ROCK1: variants seen among roughly 807,000 people sequenced by gnomAD.
The protein encoded by ROCK1 is Rho associated coiled-coil containing protein kinase 1.
ROCK1 carries 36 observed loss-of-function variants against 196.8 expected under a neutral mutation model. That is an observed-to-expected ratio of 0.18 (90% CI 0.14 to 0.24). The LOEUF is 0.24. Ranked by LOEUF, ROCK1 falls within the 10% of genes least tolerant of loss-of-function variation. The probability of loss-of-function intolerance (pLI) is 1.00; values close to 1 mark genes in which losing one functional copy is unlikely to be tolerated. For missense variants in ROCK1, 920 were observed against 1,562.0 expected, an observed-to-expected ratio of 0.59 and a Z score of 6.93; for synonymous variants, 443 against 515.9, an observed-to-expected ratio of 0.86 and a Z score of 1.91.
At chr18:20,985,095 T>C (rs2035566561) in intron 19 of ROCK1, among the ~76,000 whole-genome samples, 1 of 150,616 alleles carries the variant, frequency 6.6e-6, no homozygotes, top group South Asian at 2.1e-4. Context: ...TGAGACTCTG[T>C]CTCCAAAAAA....
intron 9 of ROCK1, among the ~76,000 whole-genome samples, chr18:21,038,857 C>G (rs1454548332): frequency 2.6e-5 from 4 of 152,154 alleles, no homozygotes; most frequent in Admixed American, 6.5e-5. Flanking sequence ...TTTGATTCAG[C>G]TATGTTGTAG....
intron 1 of ROCK1, among the ~76,000 whole-genome samples, chr18:21,090,925 A>T (rs1390378259): frequency 6.6e-6 from 1 of 152,252 alleles, no homozygotes; most frequent in Non-Finnish European, 1.5e-5. Context: ...TTTAGGGAAA[A>T]AAAATTAATC....
Position 20,960,176 on chromosome 18 carries a change from G to T in ROCK1, c.3383C>A (p.Pro1128Gln). Reference sequence around the variant, plus strand: ...ATATCGTTTGATATTTCCTCTATTTGGTACTGAAAGCCAACCTTCAATTCT... The same window carrying T: ...ATATCGTTTGATATTTCCTCTATTTTGTACTGAAAGCCAACCTTCAATTCT... ...ESRIEGWLSVPNRGNIKRYGW... is the reference protein window; with the variant it reads ...ESRIEGWLSVQNRGNIKRYGW... The change falls in exon 28 of 33, where the codon CCA becomes CAA. Residue 1128 changes from proline (P) to glutamine (Q), a missense_variant. Pro to Gln is a moderately conservative substitution (Grantham distance 76). This residue lies in a region of ROCK1 where 116 missense variants were observed against 204.2 expected (regional missense o/e 0.57). Coordinates refer to ENST00000399799, the MANE Select transcript of ROCK1 (RefSeq NM_005406.3). 1 of 1,599,920 alleles carries T rather than the reference G, an allele frequency of 6.3e-7. No individual in the cohort carries two copies. The highest frequency in any genetic ancestry group is 8.6e-7 in the Non-Finnish European group (1 of 1,167,242).
intron 1 of ROCK1, among the ~76,000 whole-genome samples, chr18:21,087,656 C>A (rs571417851): frequency 1.3e-5 from 2 of 152,008 alleles, no homozygotes; most frequent in South Asian, 4.2e-4. Flanking sequence ...CTCAGAACAA[C>A]AGAACTGCAA....
intron 4 of ROCK1, 39 bp from the exon 5 acceptor site, chr18:21,045,506 A>G (rs2036148034): frequency 6.9e-7 from 1 of 1,444,288 alleles, no homozygotes; most frequent in Non-Finnish European, 9.2e-7. Context: ...ACATTCATTA[A>G]TGTTAAACAA....
intron 2 of ROCK1, among the ~76,000 whole-genome samples, chr18:21,050,199 T>C (rs2036192823): frequency 6.6e-6 from 1 of 152,106 alleles, no homozygotes; most frequent in African/African-American, 2.4e-5. Flanking sequence ...TAGTTCCTGG[T>C]ATTTTAAGTA....
rs775008123 is a variant in ROCK1 at position 20,996,649 on chromosome 18, C to T, written c.1886-3712G>A. ...ATGGTAAGTACACTGAAAAACACTA[C>T]TGTAACACTGCAATTGCAGTGTATA... On this transcript the variant is annotated intron_variant, in intron 16 of 32. Coordinates refer to ENST00000399799, the MANE Select transcript of ROCK1 (RefSeq NM_005406.3). 2.6e-4 allele frequency among the ~76,000 whole-genome samples: 40 copies of T among 152,152 alleles called. 1 individual carries two copies. The highest frequency in any genetic ancestry group is 7.3e-5 in the Non-Finnish European group (5 of 68,032).
At chr18:21,092,679 A>AT (rs986424298) in intron 1 of ROCK1, among the ~76,000 whole-genome samples, 16 of 151,596 alleles carry the variant, frequency 1.1e-4, no homozygotes, top group African/African-American at 3.9e-4. Flanking sequence ...TTTAAACCAC[A>AT]TTTTTTAAAA....
chr18:21,014,653 A>G (rs1339766022), intron 13 of ROCK1, among the ~76,000 whole-genome samples: 1 of 152,362 alleles, frequency 6.6e-6, no homozygotes, highest in South Asian at 2.1e-4. Context: ...TACAAAGGCA[A>G]GTTAGTAAAT....
At chr18:21,045,887 ACAGTTTCAGCTGT>A (rs1568393657) in intron 4 of ROCK1, among the ~76,000 whole-genome samples, 1 of 144,228 alleles carries the variant, frequency 6.9e-6, no homozygotes, top group Non-Finnish European at 1.5e-5. Context: ...AATTTGGCTT[ACAGTTTCAGCTGT>A]TTTTTTTTTT....
chr18:21,041,239 C>A (rs1278165788), intron 8 of ROCK1, among the ~76,000 whole-genome samples: 1 of 147,378 alleles, frequency 6.8e-6, no homozygotes, highest in Non-Finnish European at 1.5e-5. Flanking sequence ...TGAAACCAGC[C>A]TGGGCAACAG....
rs532978665 is a variant in ROCK1 at position 20,971,800 on chromosome 18, A to T, written c.2655-1287T>A. Among the ~76,000 whole-genome samples, 3 of 152,162 alleles carry T rather than the reference A, an allele frequency of 2.0e-5. No individual in the cohort carries two copies. The East Asian group carries it at 5.8e-4, about 29-fold the overall frequency. On this transcript the variant is annotated intron_variant, in intron 22 of 32. Transcript: ENST00000399799. ...GTACAGGCAATTTAAAAAATGAACA[A>T]GTGCTATATAGTATGCCACAGAGAA... is the stretch of plus-strand genomic sequence containing the variant.
Position 20,951,203 on chromosome 18 carries a change from A to T in ROCK1, c.*181T>A. On this transcript the variant is annotated 3_prime_UTR_variant, in exon 33 of 33. Transcript: ENST00000399799. ...ATTAATCTAATCTACCTGTAGGCAAACCCGCAATAAAAAAAACCCTCAGTG... is the reference window on the plus strand; with the variant it reads ...ATTAATCTAATCTACCTGTAGGCAATCCCGCAATAAAAAAAACCCTCAGTG... 4.3e-6 allele frequency: 2 copies of T among 470,366 alleles called. No homozygotes were observed. The highest frequency in any genetic ancestry group is 7.7e-6 in the Non-Finnish European group (2 of 258,924). The allele number at this position is 470,366 out of a possible 1,614,324, so 29.1% of individuals were successfully genotyped here. A position where few individuals can be genotyped will look rare whatever the true frequency, so the allele number is the denominator to read the frequency against.
At chr18:20,979,844 A>G in intron 22 of ROCK1, 66 bp downstream of exon 22, 2 of 1,471,002 alleles carry the variant, frequency 1.4e-6, no homozygotes, top group Non-Finnish European at 1.8e-6. Context: ...ACATCTATTC[A>G]CTAACTTAAA....
At position 21,110,834 on chromosome 18, in the gene ROCK1, T is replaced by G. The variant is rs750014422; in HGVS notation, c.77A>C (p.Asn26Thr). Reference sequence around the variant, plus strand: ...GCTACTCACCAGCAAACAATCCGAATTCACTTCCGATTTGGGATCCCGCAG... The same window carrying G: ...GCTACTCACCAGCAAACAATCCGAAGTCACTTCCGATTTGGGATCCCGCAG... ...NLLRDPKSEV[N>T]SDCLLDGLDA... Residue 26 changes from asparagine to threonine, a missense_variant, in exon 1 of 33, where the codon AAT becomes ACT. Asn to Thr is a moderately conservative substitution (Grantham distance 65, BLOSUM62 0). Around this residue, in one of 6 missense-constraint regions of ROCK1, gnomAD observed 234 missense variants for 460.7 expected, o/e 0.51. Transcript: ENST00000399799. 1.2e-6 allele frequency: 2 copies of G among 1,613,742 alleles called. No homozygotes were observed. Among genetic ancestry groups the G allele is most frequent in the African/African-American group, 2.7e-5 (2 of 74,916 alleles).
chr18:21,035,104 C>A (rs906809297), intron 9 of ROCK1, among the ~76,000 whole-genome samples: 5 of 152,112 alleles, frequency 3.3e-5, no homozygotes, highest in Non-Finnish European at 7.3e-5. Flanking sequence ...ATTAGGATGA[C>A]TACTATTTAA....
chr18:20,985,083 A>G (rs1180814190), intron 19 of ROCK1, among the ~76,000 whole-genome samples: 2 of 151,746 alleles, frequency 1.3e-5, no homozygotes, highest in Non-Finnish European at 2.9e-5. Context: ...CCTGAGTGAC[A>G]GTGAGACTCT....
intron 10 of ROCK1, among the ~76,000 whole-genome samples, chr18:21,026,293 A>C (rs1193148357): frequency 1.3e-5 from 2 of 151,898 alleles, no homozygotes; most frequent in African/African-American, 2.4e-5. Context: ...AAAAATACAA[A>C]ATTAGCCGGG....
At position 21,044,806 on chromosome 18, in the gene ROCK1, T is replaced by C. The variant is rs560059328; in HGVS notation, c.590+486A>G. ...AGATTAAGGGATATTAAAGAATACATTTATATCAACATTAAATTGAAATGC... is the reference window on the plus strand; with the variant it reads ...AGATTAAGGGATATTAAAGAATACACTTATATCAACATTAAATTGAAATGC... On this transcript the variant is annotated intron_variant, in intron 5 of 32. Transcript: ENST00000399799. Among the ~76,000 whole-genome samples the C allele has an allele frequency of 2.6e-5, 4 of 152,320 alleles. No individual in the cohort carries two copies. In the South Asian group the frequency reaches 8.3e-4, roughly 32 times the overall value.
Sources: allele counts gnomAD v4.1 joint callset (sites outside exome capture counted in the v4.1 genomes callset), GRCh38; gene constraint gnomAD v4.1.1; regional missense constraint gnomAD v4.1.1; transcripts MANE v1.5; gene names NCBI Gene and HGNC (gene_info 2026-07-23, HGNC 2026-07-21).